The following VPS13D variants were observed in gnomAD, a reference collection of about 807,000 sequenced individuals.
The protein encoded by VPS13D is vacuolar protein sorting 13 homolog D.
VPS13D carries 187 observed loss-of-function variants against 461.9 expected under a neutral mutation model. The ratio of observed to expected loss-of-function variants is 0.40; its 90% confidence interval spans 0.36 to 0.46. The LOEUF (loss-of-function observed/expected upper bound fraction) is 0.46, where lower values mean the gene tolerates loss of function less well. VPS13D is among the 20% of genes least tolerant of loss of function. The pLI, the probability that VPS13D is intolerant of heterozygous loss-of-function variation, is 0.60. For synonymous variants in VPS13D, 1,951 were observed against 1,986.3 expected, an observed-to-expected ratio of 0.98 and a Z score of 0.47; for missense variants, 4,711 against 5,364.9, an observed-to-expected ratio of 0.88 and a Z score of 3.81.
intron 69 of VPS13D, among the ~76,000 whole-genome samples, chr1:12,508,571 A>G (rs1323129276): frequency 6.8e-6 from 1 of 147,870 alleles, no homozygotes; most frequent in Non-Finnish European, 1.5e-5. Context: ...AAAAATCGTT[A>G]GCTGTGCACA....
chr1:12,315,666 T>C (rs1408699297), intron 30 of VPS13D, among the ~76,000 whole-genome samples: 1 of 152,192 alleles, frequency 6.6e-6, no homozygotes, highest in Non-Finnish European at 1.5e-5. Flanking sequence ...TTAAAGCCCA[T>C]GATGTTTCCA....
intron 67 of VPS13D, among the ~76,000 whole-genome samples, chr1:12,492,463 C>T (rs1051938060): frequency 3.3e-5 from 5 of 152,210 alleles, no homozygotes; most frequent in African/African-American, 9.6e-5. Context: ...AGTAGCCACA[C>T]GTGGTCAGTA....
intron 65 of VPS13D, among the ~76,000 whole-genome samples, chr1:12,425,337 C>T (rs963378655): frequency 1.3e-5 from 2 of 152,060 alleles, no homozygotes; most frequent in Non-Finnish European, 2.9e-5. Context: ...GCAGGTGGGT[C>T]ACCTGAGGTC....
At chr1:12,266,003 T>TA (rs998469725) in intron 13 of VPS13D, among the ~76,000 whole-genome samples, 20 of 149,640 alleles carry the variant, frequency 1.3e-4, no homozygotes, top group African/African-American at 1.7e-4. Context: ...TACTAAAAAT[T>TA]AAAAAAAAAA....
intron 67 of VPS13D, among the ~76,000 whole-genome samples, chr1:12,489,759 G>A (rs577883210): frequency 9.9e-5 from 15 of 152,162 alleles, no homozygotes; most frequent in Non-Finnish European, 1.9e-4. Context: ...CCTATTATGT[G>A]CTAGACTCTG....
At chr1:12,336,016 T>C (rs765831891) in intron 39 of VPS13D, 189 bp downstream of exon 39, 13 of 737,104 alleles carry the variant, frequency 1.8e-5, no homozygotes, top group Non-Finnish European at 2.5e-5. Flanking sequence ...AACTTATAAA[T>C]GTGGGCTGTA....
At chr1:12,238,510 T>C (rs186333694) in intron 2 of VPS13D, among the ~76,000 whole-genome samples, 5,746 of 152,156 alleles carry the variant, frequency 0.038, 135 homozygotes, top group South Asian at 0.06. Flanking sequence ...GCCTTTTTTT[T>C]TCCTCCACCT....
At position 12,318,211 on chromosome 1, in the gene VPS13D, C is replaced by T. The variant is rs540082212; in HGVS notation, c.7288C>T (p.Arg2430Cys). 44 of 1,614,168 alleles carry T rather than the reference C, an allele frequency of 2.7e-5. No individual in the cohort carries two copies. The highest frequency in any genetic ancestry group is 1.4e-4 in the South Asian group (13 of 91,082). Residue 2430 changes from arginine (R) to cysteine (C), a missense_variant, in exon 31 of 70, where the codon CGC (arginine) becomes TGC (cysteine). By Grantham distance (180) the Arg-to-Cys change is radical (BLOSUM62 -3). Around this residue, in one of 3 missense-constraint regions of VPS13D, gnomAD observed 4,411 missense variants for 4,937.8 expected, o/e 0.89. Coordinates refer to ENST00000620676, the MANE Select transcript of VPS13D (RefSeq NM_015378.4). The stretch of plus-strand genomic sequence containing the variant: ...GAAACAAAATCATGTTACTCCTTCT[C>T]GCCACCGTAACTCTAGCAGCGAATC... ...IKKQNHVTPSRHRNSSSESAI... is the reference protein window; with the variant it reads ...IKKQNHVTPSCHRNSSSESAI...
chr1:12,327,432 A>C (rs1316934746), intron 35 of VPS13D, among the ~76,000 whole-genome samples: 1 of 152,148 alleles, frequency 6.6e-6, no homozygotes, highest in African/African-American at 2.4e-5. Flanking sequence ...ATGTTTGCTT[A>C]AAAGCAGGAT....
intron 65 of VPS13D, among the ~76,000 whole-genome samples, chr1:12,428,773 A>G (rs373820591): frequency 4.6e-5 from 7 of 152,240 alleles, no homozygotes; most frequent in African/African-American, 1.2e-4. Flanking sequence ...ATATCCGTCA[A>G]CATTTCTCAC....
chr1:12,478,511 C>T, intron 67 of VPS13D: 1 of 283,108 alleles, frequency 3.5e-6, no homozygotes, highest in Non-Finnish European at 7.1e-6. Flanking sequence ...ATCCACAGGG[C>T]AAAAGTTTAT....
intron 65 of VPS13D, among the ~76,000 whole-genome samples, chr1:12,432,677 C>A (rs373123025): frequency 6.6e-6 from 1 of 151,496 alleles, no homozygotes; most frequent in Non-Finnish European, 1.5e-5. Flanking sequence ...CTCACTGCAA[C>A]CTCTGCTTCT....
intron 2 of VPS13D, 40 bp from the exon 3 acceptor site, chr1:12,242,473 T>G (rs1457419567): frequency 6.3e-7 from 1 of 1,577,758 alleles, no homozygotes; most frequent in African/African-American, 1.3e-5. Flanking sequence ...CCTACTGTAT[T>G]TGTTAAATGG....
At chr1:12,312,243 T>C (rs1642772967) in intron 29 of VPS13D, among the ~76,000 whole-genome samples, 1 of 152,140 alleles carries the variant, frequency 6.6e-6, no homozygotes, top group Admixed American at 6.5e-5. Context: ...TCGCTTAGGG[T>C]GACAGAGCAG....
At chr1:12,341,032 A>G (rs1030354172) in intron 40 of VPS13D, among the ~76,000 whole-genome samples, 1 of 152,200 alleles carries the variant, frequency 6.6e-6, no homozygotes, top group Non-Finnish European at 1.5e-5. Flanking sequence ...TACAATGTTT[A>G]TAGTCAGGTC....
chr1:12,282,291 G>A (rs1641809038), intron 20 of VPS13D, among the ~76,000 whole-genome samples: 1 of 152,196 alleles, frequency 6.6e-6, no homozygotes, highest in Non-Finnish European at 1.5e-5. Context: ...AGTACTACCA[G>A]TACTAAACAT....
chr1:12,467,329 G>A (rs1158096136), intron 67 of VPS13D, among the ~76,000 whole-genome samples: 2 of 152,044 alleles, frequency 1.3e-5, no homozygotes, highest in Non-Finnish European at 2.9e-5. Flanking sequence ...ACGCCACCTC[G>A]CCCAGCTAAT....
chr1:12,434,621 AACTT>A (rs779772249), intron 65 of VPS13D, among the ~76,000 whole-genome samples: 9 of 152,064 alleles, frequency 5.9e-5, no homozygotes, highest in Non-Finnish European at 8.8e-5. Context: ...GCAGCAAACT[AACTT>A]ATTTATAGGC....
chr1:12,296,763 A>T (rs1042506422), intron 24 of VPS13D, among the ~76,000 whole-genome samples: 3 of 152,154 alleles, frequency 2.0e-5, no homozygotes, highest in Non-Finnish European at 4.4e-5. Flanking sequence ...GACTCTGCTA[A>T]ATGTTTTCTG....
Sources: allele counts gnomAD v4.1 joint callset (sites outside exome capture counted in the v4.1 genomes callset), GRCh38; gene constraint gnomAD v4.1.1; regional missense constraint gnomAD v4.1.1; transcripts MANE v1.5; gene names NCBI Gene and HGNC (gene_info 2026-07-23, HGNC 2026-07-21).